The following PCDH17 variants were observed in gnomAD, a reference collection of about 807,000 sequenced individuals.
PCDH17 encodes protocadherin 17.
A neutral mutation model predicts 67.7 loss-of-function variants in PCDH17; 21 were observed. The ratio of observed to expected loss-of-function variants is 0.31; its 90% CI spans 0.22 to 0.45. PCDH17 has a LOEUF of 0.45. Among genes scored for constraint, PCDH17 ranks in the 20% least tolerant of loss-of-function variants. The pLI is 1.00. For synonymous variants in PCDH17, 701 were observed against 656.7 expected, an observed-to-expected ratio of 1.07 and a Z score of -1.03; for missense variants, 1,471 against 1,564.8, an observed-to-expected ratio of 0.94 and a Z score of 1.01.
chr13:57,711,882 G>A (rs1350855559), intron 3 of PCDH17, among the ~76,000 whole-genome samples: 1 of 151,024 alleles, frequency 6.6e-6, no homozygotes, highest in Non-Finnish European at 1.5e-5. Context: ...TGTATCTTAG[G>A]ATGTATACTT....
chr13:57,675,272 C>G (rs1313803721), intron 3 of PCDH17, among the ~76,000 whole-genome samples: 2 of 151,936 alleles, frequency 1.3e-5, no homozygotes, highest in Non-Finnish European at 2.9e-5. Flanking sequence ...TGCACAATAT[C>G]TCTATTTCTC....
intron 1 of PCDH17, among the ~76,000 whole-genome samples, chr13:57,653,329 C>G (rs1033127317): frequency 6.6e-6 from 1 of 151,732 alleles, no homozygotes; most frequent in Admixed American, 6.6e-5. Context: ...GGTATGACCT[C>G]GTATTAGAAA....
intron 3 of PCDH17, among the ~76,000 whole-genome samples, chr13:57,718,414 A>G (rs1207344827): frequency 6.6e-6 from 1 of 152,054 alleles, no homozygotes; most frequent in East Asian, 1.9e-4. Flanking sequence ...TACTCCTTTT[A>G]GTCAGATAGT....
intron 3 of PCDH17, among the ~76,000 whole-genome samples, chr13:57,702,367 AG>A (rs1955675161): frequency 6.6e-6 from 1 of 152,032 alleles, no homozygotes; most frequent in Non-Finnish European, 1.5e-5. Context: ...ACCTAATAGT[AG>A]CATTCACTGA....
At chr13:57,652,573 A>G (rs1182423458) in intron 1 of PCDH17, among the ~76,000 whole-genome samples, 2 of 152,208 alleles carry the variant, frequency 1.3e-5, no homozygotes, top group Non-Finnish European at 2.9e-5. Flanking sequence ...GAGGCCTTTT[A>G]GGAAGGAAAG....
At chr13:57,659,971 G>A (rs1173613389) in intron 1 of PCDH17, among the ~76,000 whole-genome samples, 1 of 152,132 alleles carries the variant, frequency 6.6e-6, no homozygotes, top group Admixed American at 6.5e-5. Flanking sequence ...GGTGGCTTAT[G>A]CCTGTAATCT....
intron 1 of PCDH17, among the ~76,000 whole-genome samples, chr13:57,639,156 T>C (rs538600306): frequency 1.4e-4 from 22 of 152,048 alleles, no homozygotes; most frequent in Non-Finnish European, 2.5e-4. Context: ...GCCTTCTGGA[T>C]TGTTTAGTTC....
chr13:57,719,753 G>C (rs1955857723), intron 3 of PCDH17, among the ~76,000 whole-genome samples: 1 of 152,000 alleles, frequency 6.6e-6, no homozygotes, highest in Non-Finnish European at 1.5e-5. Context: ...TTTTTTGGCT[G>C]GTTGCTAGGC....
intron 1 of PCDH17, among the ~76,000 whole-genome samples, chr13:57,637,210 T>C (rs1954834768): frequency 6.6e-6 from 1 of 152,104 alleles, no homozygotes; most frequent in African/African-American, 2.4e-5. Flanking sequence ...AAACTATGTT[T>C]TTGTTTTAAG....
At chr13:57,676,531 T>C (rs561463434) in intron 3 of PCDH17, among the ~76,000 whole-genome samples, 24 of 151,954 alleles carry the variant, frequency 1.6e-4, no homozygotes, top group Non-Finnish European at 2.9e-4. Flanking sequence ...GGTATAAACT[T>C]GCAAGTTATT....
At chr13:57,641,395 C>A (rs1434345918) in intron 1 of PCDH17, among the ~76,000 whole-genome samples, 4 of 145,032 alleles carry the variant, frequency 2.8e-5, no homozygotes, top group Admixed American at 1.4e-4. Context: ...ATACTAAGAT[C>A]AATATATTTA....
At chr13:57,664,307 C>T (rs1007987002) in intron 1 of PCDH17, among the ~76,000 whole-genome samples, 1 of 152,098 alleles carries the variant, frequency 6.6e-6, no homozygotes, top group African/African-American at 2.4e-5. Context: ...GCTGCAGTAC[C>T]GTTGCCCAGA....
In PCDH17 at chr13:57,728,200, T is replaced by C. The variant is rs538422990; in HGVS notation, c.*2906T>C. On this transcript the variant is annotated 3_prime_UTR_variant, in exon 4 of 4. Transcript: ENST00000377918. Reference sequence around the variant, plus strand: ...CTGGCAACTGCCTTTATTGCAGACCTCTGGTGCTTGGCTTTCAAGGAAGCC... The same window carrying C: ...CTGGCAACTGCCTTTATTGCAGACCCCTGGTGCTTGGCTTTCAAGGAAGCC... 1.0e-4 allele frequency: 16 copies of C among 152,704 alleles called. No individual in the cohort carries two copies. Among genetic ancestry groups the C allele is most frequent in the Admixed American group, 6.5e-4 (10 of 15,282 alleles). The allele number at this position is 152,704 out of a possible 1,614,324, so 9.5% of individuals were successfully genotyped here. A position where few individuals can be genotyped will look rare whatever the true frequency, so the allele number is the denominator to read the frequency against.
chr13:57,633,655 T>C lies in PCDH17; in HGVS notation c.1109T>C (p.Val370Ala). 6.2e-7 allele frequency: 1 copy of C among 1,607,456 alleles called. No individual in the cohort carries two copies. Among genetic ancestry groups the C allele is most frequent in the Middle Eastern group, 1.6e-4 (1 of 6,062 alleles). The change falls in exon 1 of 4, where the codon GTC (valine) becomes GCC (alanine). Residue 370 changes from valine (V) to alanine (A), a missense_variant. Physicochemically the swap from Val to Ala is moderately conservative, Grantham distance 64 (BLOSUM62 0). Transcript: ENST00000377918. This position sits in a 1 kb window ranked among gnomAD's most constrained non-coding sequence, Gnocchi z 6.2. ...AGCGAGGCCGCCCCTCCCGGCACCGTCATCGCCCTGGTGCGGGTCACTGAC... is the reference window on the plus strand; with the variant it reads ...AGCGAGGCCGCCCCTCCCGGCACCGCCATCGCCCTGGTGCGGGTCACTGAC... Reference protein sequence around the residue: ...ALSEAAPPGTVIALVRVTDRD... With the variant: ...ALSEAAPPGTAIALVRVTDRD...
At chr13:57,713,609 C>T (rs1955795039) in intron 3 of PCDH17, among the ~76,000 whole-genome samples, 1 of 151,510 alleles carries the variant, frequency 6.6e-6, no homozygotes, top group South Asian at 2.1e-4. Flanking sequence ...GTATTTTATT[C>T]TAAAGTTATC....
At chr13:57,648,785 A>G (rs753870812) in intron 1 of PCDH17, among the ~76,000 whole-genome samples, 1 of 152,046 alleles carries the variant, frequency 6.6e-6, no homozygotes, top group Non-Finnish European at 1.5e-5. Context: ...GTACCATGAT[A>G]TAAGGGAAAA....
Position 57,724,900 on chromosome 13 carries a change from T to A in PCDH17, c.3086T>A (p.Leu1029His). ...LKAKRALSPL[L>H]QEVPSASSSP... is the part of the protein sequence containing the mutation. Reference sequence around the variant, plus strand: ...GCCAAACGTGCCCTGAGCCCTCTCCTCCAAGAGGTCCCCTCAGCATCAAGC... The same window carrying A: ...GCCAAACGTGCCCTGAGCCCTCTCCACCAAGAGGTCCCCTCAGCATCAAGC... The change falls in exon 4 of 4, where the codon CTC (leucine) becomes CAC (histidine). Residue 1029 changes from leucine (L) to histidine (H), a missense_variant. By Grantham distance (99) the Leu-to-His change is moderately conservative. Coordinates refer to ENST00000377918, the MANE Select transcript of PCDH17 (RefSeq NM_001040429.3). 6.2e-7 allele frequency: 1 copy of A among 1,614,136 alleles called. No individual in the cohort carries two copies. The highest frequency in any genetic ancestry group is 8.5e-7 in the Non-Finnish European group (1 of 1,180,006).
chr13:57,671,249 T>A (rs983368493), intron 3 of PCDH17, among the ~76,000 whole-genome samples: 1 of 151,796 alleles, frequency 6.6e-6, no homozygotes, highest in Non-Finnish European at 1.5e-5. Flanking sequence ...TATTTTTACC[T>A]AATAAATTAT....
chr13:57,641,587 A>AAAT (rs1954902994), intron 1 of PCDH17, among the ~76,000 whole-genome samples: 1 of 20,584 alleles, frequency 4.9e-5, no homozygotes, highest in Non-Finnish European at 9.6e-5. Context: ...AAAAAAAAAA[A>AAAT]ATATATATAT....
Sources: allele counts gnomAD v4.1 joint callset (sites outside exome capture counted in the v4.1 genomes callset), GRCh38; gene constraint gnomAD v4.1.1; non-coding constraint Gnocchi (gnomAD v3.1); transcripts MANE v1.5; gene names NCBI Gene and HGNC (gene_info 2026-07-23, HGNC 2026-07-21).